Variants in BACH2 observed in about 807,000 individuals in gnomAD.
BACH2 encodes transcription regulator protein BACH2.
In BACH2, 5 loss-of-function variants were observed where a neutral mutation model predicts 61.8. That is an observed-to-expected ratio of 0.08 (90% CI 0.04 to 0.17). BACH2 has a LOEUF of 0.17. BACH2 is among the 10% of genes least tolerant of loss of function. The pLI is 1.00. For missense variants in BACH2, 824 were observed against 1,091.1 expected (o/e 0.76, Z 3.45); for synonymous variants, 446 against 440.1 (o/e 1.01, Z -0.17).
At chr6:90,084,674 G>A (rs6919937) in intron 5 of BACH2, among the ~76,000 whole-genome samples, 18,027 of 151,836 alleles carry the variant, frequency 0.12, 3,195 homozygotes, top group African/African-American at 0.38. Flanking sequence ...AAAGTCTGGC[G>A]TGAGAATGAG....
chr6:89,940,105 G>C (rs568293040), intron 7 of BACH2, among the ~76,000 whole-genome samples: 3 of 152,164 alleles, frequency 2.0e-5, no homozygotes, highest in Admixed American at 2.0e-4. Flanking sequence ...CCACCTCCCT[G>C]GTTCAAGCGA....
intron 1 of BACH2, among the ~76,000 whole-genome samples, chr6:90,272,943 C>T (rs962078861): frequency 5.9e-5 from 9 of 152,196 alleles, no homozygotes; most frequent in Non-Finnish European, 1.2e-4. Flanking sequence ...AACAAGCAAC[C>T]TGCATTGCCC....
chr6:90,287,000 T>G (rs897743248), intron 1 of BACH2, among the ~76,000 whole-genome samples: 9 of 152,088 alleles, frequency 5.9e-5, no homozygotes, highest in African/African-American at 2.2e-4. Flanking sequence ...GACAGTGTGT[T>G]CCCAGAGAAA....
intron 3 of BACH2, among the ~76,000 whole-genome samples, chr6:90,226,705 T>G (rs1181844391): frequency 6.6e-6 from 1 of 152,154 alleles, no homozygotes. Flanking sequence ...GAATTTTTTT[T>G]TTTTAAGAGG....
At chr6:90,074,046 A>G (rs1199195408) in intron 5 of BACH2, among the ~76,000 whole-genome samples, 1 of 152,230 alleles carries the variant, frequency 6.6e-6, no homozygotes, top group Admixed American at 6.5e-5. Context: ...TAGTGCATGC[A>G]CTTTGTATAA....
chr6:90,246,277 A>G (rs1397000069), intron 3 of BACH2, among the ~76,000 whole-genome samples: 1 of 152,238 alleles, frequency 6.6e-6, no homozygotes, highest in Non-Finnish European at 1.5e-5. Flanking sequence ...TACTTTTATA[A>G]GTATAATGTG....
chr6:90,245,744 A>ATCTGAATTTGAAACAAGAGAAG (rs537463109), intron 3 of BACH2, among the ~76,000 whole-genome samples: 2 of 152,242 alleles, frequency 1.3e-5, no homozygotes, highest in Non-Finnish European at 2.9e-5. Context: ...ATCAGAAATA[A>ATCTGAATTTGAAACAAGAGAAG]TCTGAATTTG....
intron 3 of BACH2, among the ~76,000 whole-genome samples, chr6:90,217,355 T>C (rs891593560): frequency 8.5e-5 from 13 of 152,150 alleles, no homozygotes; most frequent in South Asian, 2.1e-4. Context: ...CTGCAAAATG[T>C]TTCAACTTTT....
chr6:90,114,054 A>T (rs1783291464), intron 4 of BACH2, among the ~76,000 whole-genome samples: 1 of 152,140 alleles, frequency 6.6e-6, no homozygotes, highest in African/African-American at 2.4e-5. Flanking sequence ...AAAGCGCAAG[A>T]CCTGATGGAT....
rs75201291 is a variant in BACH2 at position 90,130,766 on chromosome 6, C to T, written c.-161-41657G>A. 2.9e-3 allele frequency among the ~76,000 whole-genome samples: 437 copies of T among 152,314 alleles called. 17 individuals are homozygous for T. The East Asian group carries it at 0.062, about 21-fold the overall frequency. The stretch of plus-strand genomic sequence containing the variant: ...ACTGCAGATGCAGAGGCTTTGCTTA[C>T]GCGAAGGTGGTGAAGTTAGAAGAGC... On this transcript the variant is annotated intron_variant, in intron 4 of 8. Coordinates refer to ENST00000257749, the MANE Select transcript of BACH2 (RefSeq NM_021813.4).
intron 4 of BACH2, among the ~76,000 whole-genome samples, chr6:90,197,657 T>C (rs943429735): frequency 4.6e-5 from 7 of 152,166 alleles, no homozygotes; most frequent in African/African-American, 1.7e-4. Context: ...AAAGGGCCTC[T>C]TTACTGAGGC....
chr6:90,261,719 G>A (rs1261387183), intron 2 of BACH2, among the ~76,000 whole-genome samples: 2 of 151,990 alleles, frequency 1.3e-5, no homozygotes, highest in Non-Finnish European at 2.9e-5. Context: ...TTATATCATT[G>A]GTTCTCTCTG....
At chr6:90,215,044 T>G (rs1221730717) in intron 3 of BACH2, among the ~76,000 whole-genome samples, 1 of 152,054 alleles carries the variant, frequency 6.6e-6, no homozygotes, top group Non-Finnish European at 1.5e-5. Flanking sequence ...CATGAGCCAC[T>G]GTATCTGGCC....
intron 6 of BACH2, among the ~76,000 whole-genome samples, chr6:89,990,800 T>G (rs1776502896): frequency 6.6e-6 from 1 of 152,220 alleles, no homozygotes; most frequent in African/African-American, 2.4e-5. Flanking sequence ...GTATTCCTGC[T>G]TACTGTCTGT....
At chr6:90,058,516 A>T (rs61259103) in intron 5 of BACH2, among the ~76,000 whole-genome samples, 60 of 152,326 alleles carry the variant, frequency 3.9e-4, no homozygotes, top group African/African-American at 1.4e-3. Context: ...CATGGGTAGG[A>T]AGAATCAATA....
intron 5 of BACH2, among the ~76,000 whole-genome samples, chr6:90,070,669 C>G (rs1216624462): frequency 6.6e-6 from 1 of 152,206 alleles, no homozygotes; most frequent in Admixed American, 6.5e-5. Flanking sequence ...ATTCCAGTAG[C>G]AGAGGTTCAC....
intron 4 of BACH2, among the ~76,000 whole-genome samples, chr6:90,188,348 T>C (rs1268402817): frequency 6.6e-6 from 1 of 152,214 alleles, no homozygotes; most frequent in Non-Finnish European, 1.5e-5. Flanking sequence ...GGGAATTTTA[T>C]ACATAGCTAA....
intron 5 of BACH2, among the ~76,000 whole-genome samples, chr6:90,065,566 C>A (rs531808019): frequency 1.1e-4 from 17 of 152,068 alleles, no homozygotes; most frequent in African/African-American, 3.1e-4. Context: ...CCAATAAAAC[C>A]CTATTTATAA....
chr6:90,156,087 A>C (rs1784987467), intron 4 of BACH2, among the ~76,000 whole-genome samples: 1 of 152,188 alleles, frequency 6.6e-6, no homozygotes, highest in South Asian at 2.1e-4. Context: ...GACTCACCTG[A>C]AAAGTTCCAG....
Sources: gnomAD v4.1 joint callset for allele counts (sites outside exome capture counted in the v4.1 genomes callset) on GRCh38, gnomAD v4.1.1 for gene constraint, MANE v1.5 for transcripts, NCBI Gene and HGNC (gene_info 2026-07-23, HGNC 2026-07-21) for gene names.